The following ADGRA2 variants were observed in gnomAD, a reference collection of about 807,000 sequenced individuals.
ADGRA2 encodes adhesion G protein-coupled receptor A2.
A neutral mutation model predicts 98.7 loss-of-function variants in ADGRA2; 61 were observed. The ratio of observed to expected loss-of-function variants is 0.62; its 90% CI spans 0.50 to 0.76. The LOEUF (loss-of-function observed/expected upper bound fraction) is 0.76. ADGRA2 is among the 30% of genes least tolerant of loss of function. ADGRA2 has a pLI of 0.00. For synonymous variants in ADGRA2, 858 were observed against 831.5 expected (o/e 1.03, Z -0.55); for missense variants, 1,712 against 1,860.0 (o/e 0.92, Z 1.46).
intron 1 of ADGRA2, among the ~76,000 whole-genome samples, chr8:37,801,766 G>A (rs1168655334): frequency 6.6e-6 from 1 of 152,194 alleles, no homozygotes; most frequent in Non-Finnish European, 1.5e-5. Flanking sequence ...TCACACAGTC[G>A]GCTGGGGCTG....
rs777134511 is a variant in ADGRA2, at chr8:37,833,199, C to T, written c.1287C>T (p.Thr429=). The change falls in exon 9 of 19, where the codon ACC becomes ACT. Residue 429 remains threonine, a synonymous_variant. Coordinates refer to ENST00000412232, the MANE Select transcript of ADGRA2 (RefSeq NM_032777.10). The stretch of plus-strand genomic sequence containing the variant: ...ACGACATCACCAGGGTGCTGTACAC[C>T]TTCGTGCTGGTGAGGAGAGGCTAGG... The part of the protein sequence containing the change: ...YTNDITRVLY[T]FVLMPINASN... 6.2e-7 allele frequency: 1 copy of T among 1,610,670 alleles called. No individual in the cohort carries two copies. The highest frequency in any genetic ancestry group is 8.5e-7 in the Non-Finnish European group (1 of 1,178,608).
At chr8:37,813,602 A>G (rs1804901438) in intron 1 of ADGRA2, among the ~76,000 whole-genome samples, 1 of 151,922 alleles carries the variant, frequency 6.6e-6, no homozygotes, top group Admixed American at 6.6e-5. Context: ...CACTGGGGGG[A>G]CCATTAGGCA....
intron 2 of ADGRA2, among the ~76,000 whole-genome samples, chr8:37,818,707 G>A (rs747971010): frequency 2.0e-5 from 3 of 152,206 alleles, no homozygotes; most frequent in Non-Finnish European, 2.9e-5. Context: ...CTGCCCTCCC[G>A]GCCCTTACCT....
At chr8:37,805,237 A>G (rs1804626499) in intron 1 of ADGRA2, among the ~76,000 whole-genome samples, 1 of 152,192 alleles carries the variant, frequency 6.6e-6, no homozygotes, top group African/African-American at 2.4e-5. Flanking sequence ...CAATGCCTAC[A>G]GTGTATCTTC....
At chr8:37,831,929 G>T (rs969862083) in intron 8 of ADGRA2, among the ~76,000 whole-genome samples, 2 of 152,086 alleles carry the variant, frequency 1.3e-5, no homozygotes, top group Non-Finnish European at 2.9e-5. Context: ...GCATGGTGGT[G>T]CGTGCCTGTA....
In ADGRA2 at chr8:37,797,252, C is replaced by A. The variant is rs1314351141; in HGVS notation, c.-17C>A. The A allele has an allele frequency of 2.4e-6, 3 of 1,244,456 alleles. No homozygotes were observed. Among genetic ancestry groups the A allele is most frequent in the Non-Finnish European group, 3.0e-6 (3 of 997,242 alleles). The allele number at this position is 1,244,456 out of a possible 1,614,324, so 77.1% of individuals were successfully genotyped here. A position where few individuals can be genotyped will look rare whatever the true frequency, so the allele number is the denominator to read the frequency against. ...GCCCGGCCCCAGCGCTGTGGGTCCC[C>A]GCGGGGCGATGGGTTGATGGGCGCC... is the stretch of plus-strand genomic sequence containing the variant. On this transcript the variant is annotated 5_prime_UTR_variant, in exon 1 of 19. Transcript: ENST00000412232. The surrounding 1 kb of genome is among the most constrained non-coding windows in gnomAD (Gnocchi z 5.3).
At chr8:37,822,176 C>A (rs529376224) in intron 2 of ADGRA2, among the ~76,000 whole-genome samples, 1 of 152,128 alleles carries the variant, frequency 6.6e-6, no homozygotes, top group South Asian at 2.1e-4. Context: ...CTCCCTTCCT[C>A]CCCTAGACAC....
rs538864013 is a variant in ADGRA2, at chr8:37,834,332, T to C, written c.1608+204T>C. On this transcript the variant is annotated intron_variant, in intron 11 of 18. Transcript: ENST00000412232. This position sits in a 1 kb window ranked among gnomAD's most constrained non-coding sequence, Gnocchi z 4.2. ...GGAGAAGTGATGCCAGACTCCGTGG[T>C]GGGGAACTGAGCCAAAGGGCCAGCC... Among the ~76,000 whole-genome samples, 75 of 152,086 alleles carry C rather than the reference T, an allele frequency of 4.9e-4. No homozygotes were observed. Among genetic ancestry groups the C allele is most frequent in the African/African-American group, 1.8e-3 (73 of 41,442 alleles).
chr8:37,833,933 G>A lies in ADGRA2; in HGVS notation c.1447-34G>A, dbSNP rs73597013. 1.3e-3 allele frequency: 2,014 copies of A among 1,605,260 alleles called. 36 individuals are homozygous for A. The African/African-American group carries it at 0.023, about 18-fold the overall frequency. The stretch of plus-strand genomic sequence containing the variant: ...CTCCAGCTCCTGGGTCCCAAACCCC[G>A]CCCCTGCCCTCAGCAACTTCCCTGT... On this transcript the variant is annotated intron_variant, in intron 10 of 18. Coordinates refer to ENST00000412232, the MANE Select transcript of ADGRA2 (RefSeq NM_032777.10).
intron 1 of ADGRA2, among the ~76,000 whole-genome samples, chr8:37,799,098 CG>C (rs1384227126): frequency 2.0e-5 from 3 of 152,190 alleles, no homozygotes; most frequent in African/African-American, 7.2e-5. Context: ...GAGCTGAGGC[CG>C]GGTGCGGTGG....
Position 37,828,961 on chromosome 8 carries a change from T to A in ADGRA2, c.410+2T>A. ...GGGCCTGGGGGAGCTGAAGCGTTTGTGAGTGGCACGCCCTCCCCTGACCCC... is the reference window on the plus strand; with the variant it reads ...GGGCCTGGGGGAGCTGAAGCGTTTGAGAGTGGCACGCCCTCCCCTGACCCC... On this transcript the variant is annotated splice_donor_variant, in intron 3 of 18. Coordinates refer to ENST00000412232, the MANE Select transcript of ADGRA2 (RefSeq NM_032777.10). LOFTEE classifies it high-confidence loss of function. The A allele has an allele frequency of 6.4e-7, 1 of 1,567,906 alleles. No individual in the cohort carries two copies.
At chr8:37,820,327 C>A (rs556797013) in intron 2 of ADGRA2, among the ~76,000 whole-genome samples, 4 of 152,230 alleles carry the variant, frequency 2.6e-5, no homozygotes, top group African/African-American at 4.8e-5. Context: ...ACTATCCCCC[C>A]AGAAGGAGAG....
chr8:37,839,176 T>G (rs926800404), intron 15 of ADGRA2, 93 bp downstream of exon 15: 1 of 1,515,254 alleles, frequency 6.6e-7, no homozygotes, highest in Non-Finnish European at 9.1e-7. Flanking sequence ...GGTACATACT[T>G]TCAATTCCAG....
rs764491127 is a variant in ADGRA2 at position 37,829,943 on chromosome 8, C to T, written c.647C>T (p.Thr216Met). 5 of 1,610,754 alleles carry T rather than the reference C, an allele frequency of 3.1e-6. No homozygotes were observed. Among genetic ancestry groups the T allele is most frequent in the South Asian group, 1.1e-5 (1 of 91,012 alleles). The change falls in exon 6 of 19, where the codon ACG (threonine) becomes ATG (methionine). Residue 216 changes from threonine to methionine, a missense_variant. Coordinates refer to ENST00000412232, the MANE Select transcript of ADGRA2 (RefSeq NM_032777.10). ...CGCTCCCTGCAGCTGTCGGAACACACGCTCTGTGCTTACCCCAGTGCCCTG... is the reference window on the plus strand; with the variant it reads ...CGCTCCCTGCAGCTGTCGGAACACATGCTCTGTGCTTACCCCAGTGCCCTG... ...QNRSLQLSEHTLCAYPSALHA... is the reference protein window; with the variant it reads ...QNRSLQLSEHMLCAYPSALHA...
rs182935696 is a variant in ADGRA2 at position 37,830,693 on chromosome 8, G to A, written c.719-17G>A. On this transcript the variant is annotated splice_polypyrimidine_tract_variant and intron_variant, in intron 6 of 18. Transcript: ENST00000412232. The surrounding 1 kb of genome is among the most constrained non-coding windows in gnomAD (Gnocchi z 4.8). ...GCGTGTGCACTCGGGCCTCACGCCT[G>A]GTGTCTCCTCCCACAGAGGGGGCCC... The A allele has an allele frequency of 3.8e-4, 574 of 1,507,278 alleles. 5 individuals carry two copies. The East Asian group carries it at 4.2e-3, about 11-fold the overall frequency. The allele number at this position is 1,507,278 out of a possible 1,614,324, so 93.4% of individuals were successfully genotyped here.
rs184273358 is a variant in ADGRA2, at chr8:37,832,892, C to T, written c.1098-118C>T. 3.2e-3 allele frequency: 2,442 copies of T among 756,728 alleles called. 7 individuals are homozygous for T. Among genetic ancestry groups the T allele is most frequent in the Non-Finnish European group, 4.7e-3 (2,106 of 449,920 alleles). The allele number at this position is 756,728 out of a possible 1,614,324, so 46.9% of individuals were successfully genotyped here. A position where few individuals can be genotyped will look rare whatever the true frequency, so the allele number is the denominator to read the frequency against. Reference sequence around the variant, plus strand: ...ACCCCTGGAAGGCTGGTCTGAACCCCGCTCCTGGATCCCTCCCCAAGGCCC... The same window carrying T: ...ACCCCTGGAAGGCTGGTCTGAACCCTGCTCCTGGATCCCTCCCCAAGGCCC... On this transcript the variant is annotated intron_variant, in intron 8 of 18. Transcript: ENST00000412232.
chr8:37,817,919 A>G (rs1280884853), intron 2 of ADGRA2, among the ~76,000 whole-genome samples: 1 of 152,182 alleles, frequency 6.6e-6, no homozygotes, highest in Non-Finnish European at 1.5e-5. Context: ...TGGGAGGCTG[A>G]GGCAGGGAGA....
In ADGRA2 at chr8:37,822,656, C is replaced by T. The variant is rs1464943890; in HGVS notation, c.339-6232C>T. Among the ~76,000 whole-genome samples, 19 of 152,204 alleles carry T rather than the reference C, an allele frequency of 1.2e-4. 2 individuals carry two copies. The highest frequency in any genetic ancestry group is 1.2e-3 in the Admixed American group (18 of 15,280). Reference sequence around the variant, plus strand: ...TCCCCAGGCCCAAGCAACCACTAATCTGCTTTCTGTCTATAGATCTATAAA... The same window carrying T: ...TCCCCAGGCCCAAGCAACCACTAATTTGCTTTCTGTCTATAGATCTATAAA... On this transcript the variant is annotated intron_variant, in intron 2 of 18. Coordinates refer to ENST00000412232, the MANE Select transcript of ADGRA2 (RefSeq NM_032777.10).
In ADGRA2 at chr8:37,833,204, T is replaced by A; in HGVS notation, c.1292T>A (p.Val431Glu). The change falls in exon 9 of 19, where the codon GTG becomes GAG. Residue 431 changes from valine (V) to glutamate (E), a missense_variant. Val to Glu is a moderately radical substitution (Grantham distance 121, BLOSUM62 -2). Coordinates refer to ENST00000412232, the MANE Select transcript of ADGRA2 (RefSeq NM_032777.10). ...ATCACCAGGGTGCTGTACACCTTCG[T>A]GCTGGTGAGGAGAGGCTAGGGCACC... ...NDITRVLYTF[V>E]LMPINASNAL... The A allele has an allele frequency of 6.2e-7, 1 of 1,609,874 alleles. No individual in the cohort carries two copies. Among genetic ancestry groups the A allele is most frequent in the South Asian group, 1.1e-5 (1 of 90,926 alleles).
Sources: gnomAD v4.1 joint callset for allele counts (sites outside exome capture counted in the v4.1 genomes callset) on GRCh38, gnomAD v4.1.1 for gene constraint, Gnocchi (gnomAD v3.1) non-coding constraint, MANE v1.5 for transcripts, NCBI Gene and HGNC (gene_info 2026-07-23, HGNC 2026-07-21) for gene names.